Variants in DOP1A observed in about 807,000 individuals in gnomAD.
The protein encoded by DOP1A is DOP1 leucine zipper like protein A, also known as protein DOP1A.
A neutral mutation model predicts 267.6 loss-of-function variants in DOP1A; 90 were observed. The ratio of observed to expected loss-of-function variants is 0.34; its 90% CI spans 0.28 to 0.40. DOP1A has a LOEUF of 0.40. Ranked by LOEUF, DOP1A falls within the 10% of genes least tolerant of loss-of-function variation. DOP1A has a pLI of 1.00. For synonymous variants in DOP1A, 932 were observed against 999.1 expected (o/e 0.93, Z 1.27); for missense variants, 2,437 against 2,900.4 (o/e 0.84, Z 3.67).
intron 1 of DOP1A, among the ~76,000 whole-genome samples, chr6:83,093,077 C>A (rs1770761802): frequency 6.6e-6 from 1 of 152,080 alleles, no homozygotes. Flanking sequence ...TATTTTAAGT[C>A]CCTTAGCATC....
Position 83,135,842 on chromosome 6 carries a change from G to T in DOP1A, c.3094G>T (p.Asp1032Tyr). Residue 1032 changes from aspartate to tyrosine, a missense_variant, in exon 20 of 39, where the codon GAC (aspartate) becomes TAC (tyrosine). Asp to Tyr is a radical substitution (Grantham distance 160, BLOSUM62 -3). This residue lies in a region of DOP1A where 878 missense variants were observed against 992.9 expected (regional missense o/e 0.88). Coordinates refer to ENST00000349129, the MANE Select transcript of DOP1A (RefSeq NM_015018.4). ...TCCCTGTTATCCAGGAGAGGAGAGT[G>T]ACAAGCATTTCATGCAAAATTTTGC... is the stretch of plus-strand genomic sequence containing the variant. ...KSPCYPGEES[D>Y]KHFMQNFACS... 2 of 1,613,600 alleles carry T rather than the reference G, an allele frequency of 1.2e-6. No homozygotes were observed. Among genetic ancestry groups the T allele is most frequent in the South Asian group, 2.2e-5 (2 of 91,052 alleles).
downstream of DOP1A, chr6:83,168,877 T>C (rs567443060): frequency 6.2e-5 from 65 of 1,054,640 alleles, no homozygotes; most frequent in African/African-American, 8.1e-4. Context: ...ATCTTGCTCA[T>C]GTGATGGTGA....
chr6:83,167,918 G>A lies in DOP1A; in HGVS notation c.7149G>A (p.Leu2383=), dbSNP rs759091215. ...CATTGGGTTGGGAGCCAGGGCACTT[G>A]CTGCTCACCATCTGCACCGTGCGCA... The part of the protein sequence containing the change: ...GRTLGWEPGH[L]LLTICTVRSM... The change falls in exon 39 of 39, where the codon TTG becomes TTA. Residue 2383 remains leucine, a synonymous_variant. Transcript: ENST00000349129. 4 of 1,613,860 alleles carry A rather than the reference G, an allele frequency of 2.5e-6. No individual in the cohort carries two copies. The highest frequency in any genetic ancestry group is 3.4e-6 in the Non-Finnish European group (4 of 1,179,874).
rs1221724661 is a variant in DOP1A at position 83,121,989 on chromosome 6, A to G, written c.1159A>G (p.Lys387Glu). ...GTTTAGAACATTATATTCTCAATGC[A>G]AAGCAGAGTTGGATCTTCAAACTGA... Reference protein sequence around the residue: ...EVFRTLYSQCKAELDLQTEPP... With the variant: ...EVFRTLYSQCEAELDLQTEPP... The change falls in exon 11 of 39, where the codon AAA becomes GAA. Residue 387 changes from lysine (K) to glutamate (E), a missense_variant. By Grantham distance (56) the Lys-to-Glu change is moderately conservative. Coordinates refer to ENST00000349129, the MANE Select transcript of DOP1A (RefSeq NM_015018.4). 1 of 1,611,588 alleles carries G rather than the reference A, an allele frequency of 6.2e-7. No individual in the cohort carries two copies. Among genetic ancestry groups the G allele is most frequent in the Non-Finnish European group, 8.5e-7 (1 of 1,178,232 alleles).
At chr6:83,080,516 C>T (rs2128024765) in intron 1 of DOP1A, among the ~76,000 whole-genome samples, 1 of 152,266 alleles carries the variant, frequency 6.6e-6, no homozygotes, top group East Asian at 1.9e-4. Context: ...TATAAAGCAT[C>T]CCTTAGGTGC....
intron 17 of DOP1A, among the ~76,000 whole-genome samples, chr6:83,131,220 A>T (rs1419819441): frequency 6.6e-6 from 1 of 151,998 alleles, no homozygotes; most frequent in Non-Finnish European, 1.5e-5. Context: ...GTAGATTTGG[A>T]TTGTATACAT....
chr6:83,164,363 A>G (rs907288378), intron 38 of DOP1A, among the ~76,000 whole-genome samples: 1 of 151,724 alleles, frequency 6.6e-6, no homozygotes, highest in Non-Finnish European at 1.5e-5. Flanking sequence ...TTTCAATTTG[A>G]TATCTCAGAG....
chr6:83,106,576 G>A (rs1198513976), intron 4 of DOP1A, among the ~76,000 whole-genome samples: 6 of 152,060 alleles, frequency 3.9e-5, no homozygotes, highest in African/African-American at 4.8e-5. Flanking sequence ...TTGGGAGGCC[G>A]AGGTGGGTGG....
chr6:83,119,665 T>C, intron 8 of DOP1A, 83 bp from the exon 9 acceptor site: 5 of 1,095,282 alleles, frequency 4.6e-6, no homozygotes, highest in Non-Finnish European at 5.5e-6. Context: ...AGTGCTGTTC[T>C]GAGATTTTGC....
chr6:83,113,882 C>A (rs1301901658), intron 7 of DOP1A, among the ~76,000 whole-genome samples: 4 of 152,134 alleles, frequency 2.6e-5, no homozygotes, highest in African/African-American at 9.7e-5. Context: ...ACTAAGTTGA[C>A]AAATAATAAA....
chr6:83,071,425 TC>T (rs1785573705), intron 1 of DOP1A, among the ~76,000 whole-genome samples: 1 of 152,092 alleles, frequency 6.6e-6, no homozygotes, highest in Admixed American at 6.5e-5. Context: ...CACGCTGGTC[TC>T]AAACTCCTGA....
In DOP1A at chr6:83,134,251, T is replaced by A. The variant is rs200962530; in HGVS notation, c.2834T>A (p.Ile945Lys). The change falls in exon 19 of 39, where the codon ATA (isoleucine) becomes AAA (lysine). Residue 945 changes from isoleucine (I) to lysine (K), a missense_variant. By Grantham distance (102) the Ile-to-Lys change is moderately radical. Around this residue, in one of 9 missense-constraint regions of DOP1A, gnomAD observed 878 missense variants for 992.9 expected, o/e 0.88. Coordinates refer to ENST00000349129, the MANE Select transcript of DOP1A (RefSeq NM_015018.4). ...VLWHLTRDLH[I>K]NKSSSFVRSF... The stretch of plus-strand genomic sequence containing the variant: ...TGGCATCTAACGAGAGATCTCCATA[T>A]AAATAAATCTTCATCTTTTGTACGT... The A allele has an allele frequency of 6.2e-7, 1 of 1,612,712 alleles. No individual in the cohort carries two copies. Among genetic ancestry groups the A allele is most frequent in the East Asian group, 2.2e-5 (1 of 44,802 alleles).
At chr6:83,124,551 A>C (rs1010296117) in intron 12 of DOP1A, among the ~76,000 whole-genome samples, 154 bp from the exon 13 acceptor site, 1 of 152,122 alleles carries the variant, frequency 6.6e-6, no homozygotes, top group Non-Finnish European at 1.5e-5. Context: ...ATGAAGAGGT[A>C]CAGTGGCCTG....
rs1786366499 is a variant in DOP1A, at chr6:83,168,392, A to G, written c.*225A>G. 2 of 1,300,244 alleles carry G rather than the reference A, an allele frequency of 1.5e-6. No individual in the cohort carries two copies. The highest frequency in any genetic ancestry group is 3.6e-5 in the Admixed American group (1 of 27,990). 80.5% of individuals were successfully genotyped at this position (1,300,244 alleles called of 1,614,324 possible). ...TATGGTGCCTAAGAGAGCTATATATATACACATGTAAAGTCCATTGTTTTT... is the reference window on the plus strand; with the variant it reads ...TATGGTGCCTAAGAGAGCTATATATGTACACATGTAAAGTCCATTGTTTTT... On this transcript the variant is annotated 3_prime_UTR_variant, in exon 39 of 39. Coordinates refer to ENST00000349129, the MANE Select transcript of DOP1A (RefSeq NM_015018.4).
intron 1 of DOP1A, among the ~76,000 whole-genome samples, chr6:83,079,031 A>T (rs754375379): frequency 2.0e-5 from 3 of 152,182 alleles, no homozygotes; most frequent in African/African-American, 2.4e-5. Context: ...TCTGTAAAGT[A>T]TCTTGATATC....
At chr6:83,114,053 T>C (rs954826933) in intron 7 of DOP1A, among the ~76,000 whole-genome samples, 3 of 152,284 alleles carry the variant, frequency 2.0e-5, no homozygotes, top group South Asian at 2.1e-4. Flanking sequence ...TAATAAGATA[T>C]AGAGAATATC....
At chr6:83,107,454 A>G (rs777644837) in intron 4 of DOP1A, among the ~76,000 whole-genome samples, 1 of 152,216 alleles carries the variant, frequency 6.6e-6, no homozygotes, top group Non-Finnish European at 1.5e-5. Flanking sequence ...AACTAGGAGC[A>G]AGAGAGATTC....
At chr6:83,071,296 T>G (rs533127330) in intron 1 of DOP1A, among the ~76,000 whole-genome samples, 1 of 152,182 alleles carries the variant, frequency 6.6e-6, no homozygotes, top group African/African-American at 2.4e-5. Context: ...AACCTCTGCC[T>G]CCCGGATTCA....
intron 1 of DOP1A, among the ~76,000 whole-genome samples, chr6:83,087,876 T>G (rs1451786404): frequency 6.6e-6 from 1 of 151,850 alleles, no homozygotes; most frequent in Non-Finnish European, 1.5e-5. Flanking sequence ...TGTTTGTTTG[T>G]TTTGGTTTTT....
Sources: gnomAD v4.1 joint callset for allele counts (sites outside exome capture counted in the v4.1 genomes callset) on GRCh38, gnomAD v4.1.1 for gene constraint, gnomAD v4.1.1 regional missense constraint, MANE v1.5 for transcripts, NCBI Gene and HGNC (gene_info 2026-07-23, HGNC 2026-07-21) for gene names.